OSBPL8: variants seen among roughly 807,000 people sequenced by gnomAD.
OSBPL8 encodes the protein oxysterol binding protein like 8, also known as oxysterol-binding protein-related protein 8.
In OSBPL8, 59 loss-of-function variants were observed where a neutral mutation model predicts 125.5. The ratio of observed to expected loss-of-function variants is 0.47; its 90% CI spans 0.38 to 0.58. OSBPL8 has a LOEUF of 0.58. Ranked by LOEUF, OSBPL8 falls within the 20% of genes least tolerant of loss-of-function variation. The pLI is 0.00. For missense variants in OSBPL8, 758 were observed against 1,047.8 expected (o/e 0.72, Z 3.82); for synonymous variants, 330 against 338.9 (o/e 0.97, Z 0.29).
chr12:76,375,401 A>G (rs770712661), intron 16 of OSBPL8, 31 bp from the exon 17 acceptor site: 18 of 1,477,788 alleles, frequency 1.2e-5, no homozygotes, highest in Non-Finnish European at 1.7e-5. Flanking sequence ...AAAAAATTGA[A>G]AAGAGTATAG....
chr12:76,487,141 T>A (rs2137028003), intron 2 of OSBPL8, among the ~76,000 whole-genome samples: 1 of 151,340 alleles, frequency 6.6e-6, no homozygotes, highest in South Asian at 2.1e-4. Flanking sequence ...GCAATTCTCG[T>A]GCCTCAGCCT....
At chr12:76,461,138 T>A (rs1198296708) in intron 2 of OSBPL8, among the ~76,000 whole-genome samples, 1 of 152,226 alleles carries the variant, frequency 6.6e-6, no homozygotes, top group Non-Finnish European at 1.5e-5. Flanking sequence ...TCCTCCAGCC[T>A]CTGCCTCCCA....
chr12:76,503,080 G>A (rs1303802424), intron 1 of OSBPL8, among the ~76,000 whole-genome samples: 5 of 152,178 alleles, frequency 3.3e-5, no homozygotes, highest in African/African-American at 9.7e-5. Context: ...TACATTTTAC[G>A]CAAGACAGTT....
At chr12:76,414,005 G>T (rs1017831816) in intron 4 of OSBPL8, among the ~76,000 whole-genome samples, 8 of 152,088 alleles carry the variant, frequency 5.3e-5, no homozygotes, top group Admixed American at 4.6e-4. Context: ...CCCTAAATCT[G>T]CAGTCATAAA....
intron 2 of OSBPL8, among the ~76,000 whole-genome samples, chr12:76,474,898 T>C (rs1248568184): frequency 2.0e-5 from 3 of 152,174 alleles, no homozygotes; most frequent in Non-Finnish European, 4.4e-5. Context: ...TTCACCCTAT[T>C]AAACTTAAGT....
intron 21 of OSBPL8, among the ~76,000 whole-genome samples, chr12:76,368,686 T>C (rs1455231541): frequency 6.6e-6 from 1 of 152,128 alleles, no homozygotes; most frequent in Non-Finnish European, 1.5e-5. Context: ...TGAATACCTC[T>C]AGTGAATTTT....
chr12:76,363,694 A>T (rs1203888867), intron 21 of OSBPL8, among the ~76,000 whole-genome samples: 2 of 152,218 alleles, frequency 1.3e-5, no homozygotes, highest in Non-Finnish European at 2.9e-5. Context: ...CTGCACAGCA[A>T]AAGAGTCTGT....
intron 2 of OSBPL8, among the ~76,000 whole-genome samples, chr12:76,468,708 T>C (rs1219588932): frequency 6.6e-6 from 1 of 152,236 alleles, no homozygotes; most frequent in Non-Finnish European, 1.5e-5. Flanking sequence ...TTCATAATTA[T>C]CTCACAGTAT....
chr12:76,468,872 A>G (rs1171336207), intron 2 of OSBPL8, among the ~76,000 whole-genome samples: 3 of 152,222 alleles, frequency 2.0e-5, no homozygotes, highest in Non-Finnish European at 2.9e-5. Context: ...GCTACTACCT[A>G]CATGTAGCTA....
intron 5 of OSBPL8, among the ~76,000 whole-genome samples, chr12:76,404,326 T>C (rs1954168013): frequency 1.3e-5 from 2 of 152,206 alleles, no homozygotes; most frequent in Admixed American, 6.5e-5. Flanking sequence ...ACAATGTTTA[T>C]AGTAGTGTAC....
intron 1 of OSBPL8, among the ~76,000 whole-genome samples, chr12:76,549,825 T>C (rs1205084304): frequency 6.6e-6 from 1 of 152,116 alleles, no homozygotes; most frequent in Non-Finnish European, 1.5e-5. Flanking sequence ...GAATGGAGAC[T>C]TTTTTACACA....
At chr12:76,437,212 A>C (rs1403714053) in intron 4 of OSBPL8, among the ~76,000 whole-genome samples, 1 of 152,210 alleles carries the variant, frequency 6.6e-6, no homozygotes, top group Non-Finnish European at 1.5e-5. Flanking sequence ...ACATAATGTC[A>C]AACTATTTTT....
intron 1 of OSBPL8, among the ~76,000 whole-genome samples, chr12:76,508,971 T>C (rs1190842881): frequency 2.0e-5 from 3 of 152,198 alleles, no homozygotes; most frequent in African/African-American, 7.2e-5. Flanking sequence ...TCTTTATTCC[T>C]TTACTTTCTT....
At position 76,447,259 on chromosome 12, in the gene OSBPL8, A is replaced by G. The variant is rs536701283; in HGVS notation, c.217+3592T>C. Reference sequence around the variant, plus strand: ...AAAGAATGAAAAGACGCAACTTTCAATGAAGAGAATCAGGCTATCCTCACC... The same window carrying G: ...AAAGAATGAAAAGACGCAACTTTCAGTGAAGAGAATCAGGCTATCCTCACC... On this transcript the variant is annotated intron_variant, in intron 4 of 23. Coordinates refer to ENST00000261183, the MANE Select transcript of OSBPL8 (RefSeq NM_020841.5). 2.0e-5 allele frequency among the ~76,000 whole-genome samples: 3 copies of G among 152,322 alleles called. No individual in the cohort carries two copies. In the East Asian group the frequency reaches 5.8e-4, roughly 29 times the overall value.
chr12:76,444,053 A>G (rs1019478434), intron 4 of OSBPL8, among the ~76,000 whole-genome samples: 1 of 152,140 alleles, frequency 6.6e-6, no homozygotes, highest in Non-Finnish European at 1.5e-5. Context: ...GGGTAAGGAG[A>G]GTCAGTCTCC....
Position 76,389,833 on chromosome 12 carries a change from T to TCTTC in OSBPL8, c.1168-5_1168-4insGAAG, listed in dbSNP as rs1953484205. On this transcript the variant is annotated splice_region_variant and splice_polypyrimidine_tract_variant and intron_variant, in intron 11 of 23. Coordinates refer to ENST00000261183, the MANE Select transcript of OSBPL8 (RefSeq NM_020841.5). ...CTGTTTGAGAAGCCTCACCTGCCTT[T>TCTTC]ATCAATTAATGAAAATTACCAAAAC... 6.8e-7 allele frequency: 1 copy of TCTTC among 1,481,150 alleles called. No homozygotes were observed. Among genetic ancestry groups the TCTTC allele is most frequent in the Non-Finnish European group, 9.0e-7 (1 of 1,110,280 alleles). The allele number at this position is 1,481,150 out of a possible 1,614,324, so 91.8% of individuals were successfully genotyped here.
At chr12:76,554,153 A>C (rs1328135429) in intron 1 of OSBPL8, among the ~76,000 whole-genome samples, 1 of 152,142 alleles carries the variant, frequency 6.6e-6, no homozygotes, top group African/African-American at 2.4e-5. Flanking sequence ...GAAAATGGCA[A>C]CTGGATGAAC....
intron 4 of OSBPL8, among the ~76,000 whole-genome samples, chr12:76,444,067 G>A (rs189322505): frequency 6.6e-6 from 1 of 152,104 alleles, no homozygotes; most frequent in African/African-American, 2.4e-5. Context: ...AGTCTCCCCA[G>A]CTCTTAAAAA....
At chr12:76,432,699 A>G (rs1428787784) in intron 4 of OSBPL8, among the ~76,000 whole-genome samples, 1 of 152,172 alleles carries the variant, frequency 6.6e-6, no homozygotes, top group Non-Finnish European at 1.5e-5. Context: ...ATTAGAGCAG[A>G]AATAAATAAA....
Sources: gnomAD v4.1 joint callset for allele counts (sites outside exome capture counted in the v4.1 genomes callset) on GRCh38, gnomAD v4.1.1 for gene constraint, MANE v1.5 for transcripts, NCBI Gene and HGNC (gene_info 2026-07-23, HGNC 2026-07-21) for gene names.